Variants in PIAS1 observed in about 807,000 individuals in gnomAD.
PIAS1 encodes E3 SUMO-protein ligase PIAS1.
A neutral mutation model predicts 71.3 loss-of-function variants in PIAS1; 6 were observed. The ratio of observed to expected loss-of-function variants is 0.08; its 90% CI spans 0.05 to 0.17. PIAS1 has a LOEUF of 0.17. Ranked by LOEUF, PIAS1 falls within the 10% of genes least tolerant of loss-of-function variation. The probability of loss-of-function intolerance (pLI) is 1.00; values close to 1 mark genes in which losing one functional copy is unlikely to be tolerated. For synonymous variants in PIAS1, 303 were observed against 292.9 expected, an observed-to-expected ratio of 1.03 and a Z score of -0.35; for missense variants, 555 against 793.6, an observed-to-expected ratio of 0.70 and a Z score of 3.61.
intron 11 of PIAS1, among the ~76,000 whole-genome samples, chr15:68,180,448 CTTAA>C (rs1420690485): frequency 1.5e-5 from 2 of 134,976 alleles, no homozygotes; most frequent in Non-Finnish European, 3.3e-5. Context: ...TTTCCTTTCC[CTTAA>C]TTGTTAGTAA....
intron 1 of PIAS1, chr15:68,057,651 G>C (rs564884295): frequency 4.0e-6 from 1 of 252,902 alleles, no homozygotes; most frequent in African/African-American, 2.3e-5. Context: ...TGATCCTTAC[G>C]CTGTAATTTG....
At chr15:68,157,324 G>A (rs1174328627) in intron 7 of PIAS1, among the ~76,000 whole-genome samples, 2 of 152,098 alleles carry the variant, frequency 1.3e-5, no homozygotes, top group Non-Finnish European at 2.9e-5. Flanking sequence ...CTGTCACTCT[G>A]TGCTGTCAAG....
rs929423031 is a variant in PIAS1 at position 68,188,948 on chromosome 15, A to G, written c.*1113A>G. 6.6e-6 allele frequency: 1 copy of G among 152,254 alleles called. No individual in the cohort carries two copies. The highest frequency in any genetic ancestry group is 2.4e-5 in the African/African-American group (1 of 41,480). 9.4% of individuals were successfully genotyped at this position (152,254 alleles called of 1,614,324 possible). The stretch of plus-strand genomic sequence containing the variant: ...CCTAAAAATAAATTGTTTGGAAAGT[A>G]CAATGCACCACATTTTTGTAGAAGT... On this transcript the variant is annotated 3_prime_UTR_variant, in exon 14 of 14. Transcript: ENST00000249636.
At chr15:68,109,055 TATC>T (rs2092499010) in intron 2 of PIAS1, among the ~76,000 whole-genome samples, 1 of 152,230 alleles carries the variant, frequency 6.6e-6, no homozygotes, top group African/African-American at 2.4e-5. Flanking sequence ...ACCTGTCTGA[TATC>T]ATCATCTATA....
intron 2 of PIAS1, among the ~76,000 whole-genome samples, chr15:68,117,008 A>G (rs2092570580): frequency 6.6e-6 from 1 of 152,158 alleles, no homozygotes; most frequent in Non-Finnish European, 1.5e-5. Context: ...GAGGCCTTAA[A>G]CATTCATTGT....
intron 7 of PIAS1, among the ~76,000 whole-genome samples, chr15:68,164,437 TTG>T (rs2092943733): frequency 6.6e-6 from 1 of 152,200 alleles, no homozygotes; most frequent in African/African-American, 2.4e-5. Flanking sequence ...CTACCATTAG[TTG>T]AATATGTCAA....
chr15:68,142,713 G>A (rs778458438), intron 4 of PIAS1, among the ~76,000 whole-genome samples: 1 of 138,538 alleles, frequency 7.2e-6, no homozygotes, highest in African/African-American at 2.7e-5. Flanking sequence ...TGGTTGAGAA[G>A]CTCCAGCTAA....
intron 8 of PIAS1, among the ~76,000 whole-genome samples, chr15:68,168,780 C>T (rs1270524638): frequency 6.6e-6 from 1 of 152,172 alleles, no homozygotes; most frequent in African/African-American, 2.4e-5. Flanking sequence ...CGAGCTTTTG[C>T]TTTCACATAC....
chr15:68,166,812 T>C (rs941562862), intron 8 of PIAS1, among the ~76,000 whole-genome samples: 1 of 152,254 alleles, frequency 6.6e-6, no homozygotes, highest in African/African-American at 2.4e-5. Flanking sequence ...AATCACATTT[T>C]GCTCTTTGCA....
At chr15:68,108,233 C>G (rs902022070) in intron 2 of PIAS1, among the ~76,000 whole-genome samples, 1 of 152,152 alleles carries the variant, frequency 6.6e-6, no homozygotes, top group African/African-American at 2.4e-5. Flanking sequence ...TAAGTCTACT[C>G]CAGTCATGCT....
chr15:68,141,330 C>CCCCT (rs2092768549), intron 2 of PIAS1, among the ~76,000 whole-genome samples: 5 of 152,148 alleles, frequency 3.3e-5, no homozygotes, highest in Admixed American at 3.3e-4. Context: ...CACCTCTCTT[C>CCCCT]CCCTCCCTTC....
chr15:68,100,389 C>G (rs1211690058), intron 2 of PIAS1, among the ~76,000 whole-genome samples: 3 of 152,196 alleles, frequency 2.0e-5, no homozygotes, highest in South Asian at 4.1e-4. Flanking sequence ...ACCCACAAGA[C>G]TCCCTCTTGC....
chr15:68,147,155 G>A (rs549146641), intron 6 of PIAS1, among the ~76,000 whole-genome samples: 1 of 152,276 alleles, frequency 6.6e-6, no homozygotes, highest in Admixed American at 6.5e-5. Context: ...GAGTCAAAGA[G>A]CCTACAGAAT....
chr15:68,093,188 T>C (rs1204441763), intron 2 of PIAS1, among the ~76,000 whole-genome samples: 2 of 152,262 alleles, frequency 1.3e-5, no homozygotes, highest in South Asian at 4.1e-4. Flanking sequence ...AACTTGGCTT[T>C]ATCAGGTCTT....
chr15:68,066,637 A>G (rs2092030937), intron 1 of PIAS1, among the ~76,000 whole-genome samples: 1 of 151,908 alleles, frequency 6.6e-6, no homozygotes, highest in East Asian at 1.9e-4. Context: ...TTCTTTCTGC[A>G]TTTCTTTAGA....
In PIAS1 at chr15:68,189,927, G is replaced by C. The variant is rs2093111196; in HGVS notation, c.*2092G>C. The C allele has an allele frequency of 6.6e-6, 1 of 152,094 alleles. No homozygotes were observed. The highest frequency in any genetic ancestry group is 2.1e-4 in the South Asian group (1 of 4,836). 9.4% of individuals were successfully genotyped at this position (152,094 alleles called of 1,614,324 possible). A position where few individuals can be genotyped will look rare whatever the true frequency, so the allele number is the denominator to read the frequency against. ...TGTTGGGGTAGAAATTACTAAAATT[G>C]TGGGGAGTTTTTTCTGATTTTTACA... On this transcript the variant is annotated 3_prime_UTR_variant, in exon 14 of 14. Transcript: ENST00000249636.
intron 7 of PIAS1, among the ~76,000 whole-genome samples, chr15:68,156,710 A>T (rs973961356): frequency 4.5e-5 from 6 of 134,720 alleles, no homozygotes; most frequent in East Asian, 2.2e-4. Context: ...CACTGTCTTT[A>T]AAAAAAAAAA....
intron 2 of PIAS1, among the ~76,000 whole-genome samples, chr15:68,134,622 A>ACC (rs59318437): frequency 0.34 from 7,093 of 21,148 alleles, 2,980 homozygotes; most frequent in South Asian, 0.88. Context: ...CGGGGGGCTA[A>ACC]CCCCCCCCAC....
intron 2 of PIAS1, among the ~76,000 whole-genome samples, chr15:68,121,509 C>T (rs1428172789): frequency 2.0e-5 from 3 of 151,894 alleles, no homozygotes. Flanking sequence ...ATTGCCCTGC[C>T]TCAGCACTCC....
Sources: allele counts gnomAD v4.1 joint callset (sites outside exome capture counted in the v4.1 genomes callset), GRCh38; gene constraint gnomAD v4.1.1; transcripts MANE v1.5; gene names NCBI Gene and HGNC (gene_info 2026-07-23, HGNC 2026-07-21).